LCLAT1: variants seen among roughly 807,000 people sequenced by gnomAD.
LCLAT1 encodes the protein lysocardiolipin acyltransferase 1.
Under a neutral mutation model 30.7 loss-of-function variants are expected in LCLAT1, and 11 were observed. The observed-to-expected ratio is 0.36, with a 90% CI of 0.23 to 0.59. The LOEUF (loss-of-function observed/expected upper bound fraction) is 0.59, where lower values mean the gene tolerates loss of function less well. LCLAT1 is among the 20% of genes least tolerant of loss of function. The probability of loss-of-function intolerance (pLI) is 0.77; values close to 1 mark genes in which losing one functional copy is unlikely to be tolerated. For synonymous variants in LCLAT1, 155 were observed against 151.3 expected, an observed-to-expected ratio of 1.02 and a Z score of -0.18; for missense variants, 402 against 458.6, an observed-to-expected ratio of 0.88 and a Z score of 1.13.
intron 1 of LCLAT1, among the ~76,000 whole-genome samples, chr2:30,521,411 G>T (rs1277982937): frequency 6.8e-6 from 1 of 147,982 alleles, no homozygotes. Flanking sequence ...TCTCTTTTGG[G>T]GTCTGGATCA....
chr2:30,450,344 A>G (rs1483882082), intron 1 of LCLAT1, among the ~76,000 whole-genome samples: 2 of 152,182 alleles, frequency 1.3e-5, no homozygotes, highest in Non-Finnish European at 2.9e-5. Flanking sequence ...GTCAGACCAC[A>G]GTATTACAGG....
chr2:30,607,868 TG>T (rs1667530406), intron 5 of LCLAT1: 1 of 80,700 alleles, frequency 1.2e-5, no homozygotes. Context: ...TGTGTGTGTG[TG>T]TGTGTGTGTG....
At chr2:30,514,811 G>T (rs1383308834) in intron 1 of LCLAT1, among the ~76,000 whole-genome samples, 3 of 152,142 alleles carry the variant, frequency 2.0e-5, no homozygotes, top group Non-Finnish European at 2.9e-5. Context: ...TCCAGAGCAG[G>T]CTCTTAACAA....
chr2:30,620,139 G>C (rs1329563657), intron 5 of LCLAT1, among the ~76,000 whole-genome samples: 1 of 152,016 alleles, frequency 6.6e-6, no homozygotes, highest in Non-Finnish European at 1.5e-5. Flanking sequence ...AAAAACCTAG[G>C]GTTTTATCTG....
intron 4 of LCLAT1, among the ~76,000 whole-genome samples, chr2:30,565,952 C>T (rs1327325821): frequency 4.6e-5 from 7 of 152,068 alleles, no homozygotes; most frequent in South Asian, 2.1e-4. Flanking sequence ...GCAACTGCAC[C>T]GATCCTGAGG....
intron 5 of LCLAT1, among the ~76,000 whole-genome samples, chr2:30,609,454 G>C (rs1345290024): frequency 6.6e-6 from 1 of 151,960 alleles, no homozygotes; most frequent in East Asian, 1.9e-4. Context: ...TACTTAATCT[G>C]TTATTCTCCA....
At chr2:30,530,716 A>AT (rs1685941008) in intron 2 of LCLAT1, among the ~76,000 whole-genome samples, 1 of 152,072 alleles carries the variant, frequency 6.6e-6, no homozygotes, top group African/African-American at 2.4e-5. Flanking sequence ...TGGCCTTTAA[A>AT]AATTTTTTGT....
intron 1 of LCLAT1, among the ~76,000 whole-genome samples, chr2:30,454,976 A>G (rs1681756399): frequency 6.6e-6 from 1 of 152,168 alleles, no homozygotes; most frequent in Non-Finnish European, 1.5e-5. Context: ...AGAGAAGAAT[A>G]TACTAGAAGT....
At chr2:30,632,681 A>G (rs1026749636) in intron 5 of LCLAT1, among the ~76,000 whole-genome samples, 6 of 152,210 alleles carry the variant, frequency 3.9e-5, no homozygotes, top group African/African-American at 1.4e-4. Context: ...TATGTGCCCA[A>G]CACTTCTCTA....
chr2:30,522,479 G>C (rs1367534532), intron 1 of LCLAT1, among the ~76,000 whole-genome samples: 1 of 152,136 alleles, frequency 6.6e-6, no homozygotes, highest in Non-Finnish European at 1.5e-5. Flanking sequence ...ATAAAGAATA[G>C]GGCTGGATTA....
rs913248334 is a variant in LCLAT1 at position 30,642,444 on chromosome 2, T to TC, written c.*1829dup. The TC allele has an allele frequency of 2.0e-5, 3 of 151,694 alleles. No individual in the cohort carries two copies. Among genetic ancestry groups the TC allele is most frequent in the Non-Finnish European group, 2.9e-5 (2 of 67,966 alleles). 9.4% of individuals were successfully genotyped at this position (151,694 alleles called of 1,614,324 possible). A position where few individuals can be genotyped will look rare whatever the true frequency, so the allele number is the denominator to read the frequency against. On this transcript the variant is annotated 3_prime_UTR_variant, in exon 6 of 6. Transcript: ENST00000379509. ...TAAAAAAGCACCTTTTTTTGTTGTT[T>TC]CCCCTTAATAAAAGAGGTTTCTAAT...
At chr2:30,626,977 T>C (rs1358503357) in intron 5 of LCLAT1, among the ~76,000 whole-genome samples, 1 of 152,222 alleles carries the variant, frequency 6.6e-6, no homozygotes, top group Non-Finnish European at 1.5e-5. Flanking sequence ...TTTTACAAAA[T>C]GTGTTTAAAT....
At chr2:30,564,488 A>G (rs988572974) in intron 4 of LCLAT1, among the ~76,000 whole-genome samples, 9 of 152,110 alleles carry the variant, frequency 5.9e-5, no homozygotes, top group African/African-American at 1.9e-4. Flanking sequence ...ATCTAGTTGC[A>G]TAATTTTGGA....
chr2:30,591,749 A>T (rs902319357), intron 5 of LCLAT1, among the ~76,000 whole-genome samples: 14 of 152,188 alleles, frequency 9.2e-5, no homozygotes. Flanking sequence ...TGAACAGTTA[A>T]TAACACCCTG....
chr2:30,502,238 T>G (rs1472936829), intron 1 of LCLAT1, among the ~76,000 whole-genome samples: 1 of 152,228 alleles, frequency 6.6e-6, no homozygotes, highest in East Asian at 1.9e-4. Context: ...TGTTCTTGTT[T>G]CTAATTTGTA....
intron 5 of LCLAT1, among the ~76,000 whole-genome samples, chr2:30,596,511 TG>T (rs1666936004): frequency 2.0e-5 from 3 of 152,046 alleles, no homozygotes; most frequent in African/African-American, 7.2e-5. Context: ...CTTGTAAATT[TG>T]TTTAAGTTTC....
At chr2:30,471,304 G>C (rs1682774569) in intron 1 of LCLAT1, among the ~76,000 whole-genome samples, 1 of 152,038 alleles carries the variant, frequency 6.6e-6, no homozygotes, top group African/African-American at 2.4e-5. Flanking sequence ...CCGCCTCCCG[G>C]GTTCAAGCGA....
At chr2:30,522,642 T>G (rs891292685) in intron 1 of LCLAT1, among the ~76,000 whole-genome samples, 1 of 152,206 alleles carries the variant, frequency 6.6e-6, no homozygotes, top group African/African-American at 2.4e-5. Flanking sequence ...TGTATGTTTA[T>G]TGAATCATTG....
At chr2:30,513,121 TAGA>T (rs2148361493) in intron 1 of LCLAT1, among the ~76,000 whole-genome samples, 1 of 152,194 alleles carries the variant, frequency 6.6e-6, no homozygotes, top group South Asian at 2.1e-4. Flanking sequence ...TCTAATGAGA[TAGA>T]AGGAAAATGG....
Sources: allele counts gnomAD v4.1 joint callset (sites outside exome capture counted in the v4.1 genomes callset), GRCh38; gene constraint gnomAD v4.1.1; transcripts MANE v1.5; gene names NCBI Gene and HGNC (gene_info 2026-07-23, HGNC 2026-07-21).